Variants in GLIS1 observed in about 807,000 individuals in gnomAD.
GLIS1 encodes the protein zinc finger protein GLIS1.
Under a neutral mutation model 63.8 loss-of-function variants are expected in GLIS1, and 24 were observed. That is an observed-to-expected ratio of 0.38 (90% confidence interval 0.27 to 0.53). The LOEUF (loss-of-function observed/expected upper bound fraction) is 0.53, where lower values mean the gene tolerates loss of function less well. Ranked by LOEUF, GLIS1 falls within the 20% of genes least tolerant of loss-of-function variation. The pLI is 0.85. For synonymous variants in GLIS1, 450 were observed against 482.5 expected (o/e 0.93, Z 0.88); for missense variants, 1,036 against 1,074.1 (o/e 0.96, Z 0.50).
At chr1:53,603,294 C>T (rs561116117) in intron 2 of GLIS1, among the ~76,000 whole-genome samples, 1 of 152,312 alleles carries the variant, frequency 6.6e-6, no homozygotes, top group African/African-American at 2.4e-5. Flanking sequence ...AACCTCCCAA[C>T]TTTGCAGAGG....
intron 2 of GLIS1, among the ~76,000 whole-genome samples, chr1:53,691,715 C>G (rs1646407872): frequency 6.6e-6 from 1 of 152,162 alleles, no homozygotes; most frequent in Non-Finnish European, 1.5e-5. Context: ...AATAAAGGGT[C>G]CTTCATTTCT....
Position 53,594,617 on chromosome 1 carries a change from A to T in GLIS1, c.811T>A (p.Ser271Thr). Residue 271 changes from serine to threonine, a missense_variant, in exon 4 of 11, where the codon TCT (serine) becomes ACT (threonine). Physicochemically the swap from Ser to Thr is moderately conservative, Grantham distance 58. Transcript: ENST00000628545. Reference sequence around the variant, plus strand: ...AGTCCATTTACACAGGTGACCAGAGACGTCTGGGAGGAGCGGATGATGGAG... The same window carrying T: ...AGTCCATTTACACAGGTGACCAGAGTCGTCTGGGAGGAGCGGATGATGGAG... ...VTSIIRSSQT[S>T]LVTCVNGLRS... 6.4e-7 allele frequency: 1 copy of T among 1,569,738 alleles called. No individual in the cohort carries two copies. The highest frequency in any genetic ancestry group is 8.7e-7 in the Non-Finnish European group (1 of 1,154,878).
intron 2 of GLIS1, among the ~76,000 whole-genome samples, chr1:53,709,430 A>ACACACACG (rs1379943334): frequency 2.7e-5 from 4 of 149,954 alleles, no homozygotes; most frequent in African/African-American, 9.9e-5. Context: ...ACACACACAC[A>ACACACACG]CACACACACA....
intron 4 of GLIS1, among the ~76,000 whole-genome samples, chr1:53,568,808 C>A (rs1481939847): frequency 6.6e-6 from 1 of 152,208 alleles, no homozygotes; most frequent in Non-Finnish European, 1.5e-5. Flanking sequence ...CTCTCCCAGT[C>A]ACGCTTCCTG....
At position 53,560,495 on chromosome 1, in the gene GLIS1, C is replaced by A. The variant is rs962772182; in HGVS notation, c.1321-30543G>T. 1.3e-5 allele frequency among the ~76,000 whole-genome samples: 2 copies of A among 152,198 alleles called. No homozygotes were observed. Among genetic ancestry groups the A allele is most frequent in the Admixed American group, 1.3e-4 (2 of 15,288 alleles). On this transcript the variant is annotated intron_variant, in intron 4 of 10. Coordinates refer to ENST00000628545, the MANE Select transcript of GLIS1 (RefSeq NM_001367484.1). This position sits in a 1 kb window ranked among gnomAD's most constrained non-coding sequence, Gnocchi z 4.4. ...ACACACGGAGCAAATATCTGTTTCC[C>A]CCTGGTGCCCACCAGTTAACCCTTC... is the stretch of plus-strand genomic sequence containing the variant.
intron 4 of GLIS1, among the ~76,000 whole-genome samples, chr1:53,584,916 C>G (rs1189966866): frequency 2.0e-5 from 3 of 152,202 alleles, no homozygotes; most frequent in Non-Finnish European, 4.4e-5. Flanking sequence ...TTGCCATTTC[C>G]AGGATGGCCC....
chr1:53,688,552 T>G (rs1398479611), intron 2 of GLIS1, among the ~76,000 whole-genome samples: 1 of 152,148 alleles, frequency 6.6e-6, no homozygotes, highest in Non-Finnish European at 1.5e-5. Flanking sequence ...GACTGGGAAC[T>G]AGGATGTCCT....
At position 53,594,799 on chromosome 1, in the gene GLIS1, G is replaced by A. The variant is rs746970092; in HGVS notation, c.629C>T (p.Ala210Val). The A allele has an allele frequency of 4.6e-5, 74 of 1,606,888 alleles. 1 individual carries two copies. The East Asian group carries it at 1.4e-3, about 30-fold the overall frequency. The change falls in exon 4 of 11, where the codon GCG (alanine) becomes GTG (valine). Residue 210 changes from alanine to valine, a missense_variant. Ala to Val is a moderately conservative substitution (Grantham distance 64). Coordinates refer to ENST00000628545, the MANE Select transcript of GLIS1 (RefSeq NM_001367484.1). ...DLPGRSLATPAPSCYLLGSEP... is the reference protein window; with the variant it reads ...DLPGRSLATPVPSCYLLGSEP... ...GCTGCCCAGAAGGTAGCAGGAAGGCGCAGGGGTGGCGAGGCTTCGGCCCGG... is the reference window on the plus strand; with the variant it reads ...GCTGCCCAGAAGGTAGCAGGAAGGCACAGGGGTGGCGAGGCTTCGGCCCGG...
In GLIS1 at chr1:53,646,283, AT is replaced by A. The variant is rs1645843439; in HGVS notation, c.260-46006del. 6.6e-6 allele frequency among the ~76,000 whole-genome samples: 1 copy of A among 152,238 alleles called. No homozygotes were observed. Among genetic ancestry groups the A allele is most frequent in the Admixed American group, 6.5e-5 (1 of 15,288 alleles). On this transcript the variant is annotated intron_variant, in intron 2 of 10. Transcript: ENST00000628545. The surrounding 1 kb of genome is among the most constrained non-coding windows in gnomAD (Gnocchi z 4.2). ...GAATTGAAAGGAATAAATAAAACTTATTATTCACAAGTGATAATCAGAAATC... is the reference window on the plus strand; with the variant it reads ...GAATTGAAAGGAATAAATAAAACTTATATTCACAAGTGATAATCAGAAATC...
At position 53,506,448 on chromosome 1, in the gene GLIS1, G is replaced by A. The variant is rs1303931071; in HGVS notation, c.*171C>T. The A allele has an allele frequency of 1.5e-5, 10 of 655,802 alleles. No individual in the cohort carries two copies. The highest frequency in any genetic ancestry group is 5.5e-5 in the African/African-American group (3 of 54,888). 40.6% of individuals were successfully genotyped at this position (655,802 alleles called of 1,614,324 possible). A position where few individuals can be genotyped will look rare whatever the true frequency, so the allele number is the denominator to read the frequency against. On this transcript the variant is annotated 3_prime_UTR_variant, in exon 11 of 11. Transcript: ENST00000628545. ...TGCGCCCAGCTCAAGCTCGGATGGCGGCTCCCTGGCAGCGCTGGGTGGGGT... is the reference window on the plus strand; with the variant it reads ...TGCGCCCAGCTCAAGCTCGGATGGCAGCTCCCTGGCAGCGCTGGGTGGGGT...
chr1:53,589,854 C>T (rs1032113678), intron 4 of GLIS1, among the ~76,000 whole-genome samples: 5 of 152,216 alleles, frequency 3.3e-5, no homozygotes, highest in African/African-American at 1.2e-4. Flanking sequence ...AGGTGATCTG[C>T]AAATGACTGT....
intron 7 of GLIS1, among the ~76,000 whole-genome samples, chr1:53,520,348 A>AT (rs144688235): frequency 0.018 from 2,683 of 152,344 alleles, 53 homozygotes; most frequent in African/African-American, 0.052. Flanking sequence ...CCCAGGCCCC[A>AT]TACACCTTGA....
Position 53,737,979 on chromosome 1 carries a change from C to G in GLIS1, c.86G>C (p.Ser29Thr). Residue 29 changes from serine to threonine, a missense_variant, in exon 2 of 11, where the codon AGC (serine) becomes ACC (threonine). By Grantham distance (58) the Ser-to-Thr change is moderately conservative (BLOSUM62 1). Coordinates refer to ENST00000628545, the MANE Select transcript of GLIS1 (RefSeq NM_001367484.1). ...GAPGPDRGPA[S>T]LGAHMAFRVT... ...CCTGAAGGCCATGTGCGCGCCGAGG[C>G]TGGCGGGGCCGCGGTCGGGGCCGGG... 9 of 1,230,370 alleles carry G rather than the reference C, an allele frequency of 7.3e-6. No homozygotes were observed. The highest frequency in any genetic ancestry group is 9.1e-6 in the Non-Finnish European group (9 of 987,042). The allele number at this position is 1,230,370 out of a possible 1,614,324, so 76.2% of individuals were successfully genotyped here. A position where few individuals can be genotyped will look rare whatever the true frequency, so the allele number is the denominator to read the frequency against.
intron 4 of GLIS1, among the ~76,000 whole-genome samples, chr1:53,592,149 C>A (rs934296819): frequency 4.6e-5 from 7 of 152,208 alleles, no homozygotes; most frequent in Non-Finnish European, 8.8e-5. Flanking sequence ...GGCAGCCTGG[C>A]CGCAGAGAGA....
chr1:53,548,920 C>T (rs1028099708), intron 4 of GLIS1, among the ~76,000 whole-genome samples: 7 of 152,202 alleles, frequency 4.6e-5, no homozygotes, highest in African/African-American at 1.4e-4. Flanking sequence ...CTTGTATCTA[C>T]TAGCAGACAG....
intron 2 of GLIS1, among the ~76,000 whole-genome samples, chr1:53,703,231 T>C (rs987908613): frequency 2.0e-5 from 3 of 152,196 alleles, no homozygotes; most frequent in Admixed American, 2.0e-4. Context: ...CTCTACAAAG[T>C]AGGTACTATT....
intron 4 of GLIS1, among the ~76,000 whole-genome samples, chr1:53,559,675 C>T (rs1429677227): frequency 6.6e-6 from 1 of 152,176 alleles, no homozygotes; most frequent in Non-Finnish European, 1.5e-5. Context: ...TCTGTTGCAG[C>T]TCATCCTCCC....
intron 2 of GLIS1, among the ~76,000 whole-genome samples, chr1:53,685,962 A>G (rs2100442925): frequency 6.6e-6 from 1 of 152,096 alleles, no homozygotes; most frequent in East Asian, 1.9e-4. Flanking sequence ...CCTCTCATGC[A>G]TGGGTTCCGT....
chr1:53,552,868 G>C (rs934981299), intron 4 of GLIS1, among the ~76,000 whole-genome samples: 1 of 152,220 alleles, frequency 6.6e-6, no homozygotes, highest in Non-Finnish European at 1.5e-5. Context: ...CAGAAAAGGA[G>C]ACTCCCATGA....
Sources: gnomAD v4.1 joint callset for allele counts (sites outside exome capture counted in the v4.1 genomes callset) on GRCh38, gnomAD v4.1.1 for gene constraint, Gnocchi (gnomAD v3.1) non-coding constraint, MANE v1.5 for transcripts, NCBI Gene and HGNC (gene_info 2026-07-23, HGNC 2026-07-21) for gene names.